The following ANKEF1 variants were observed in gnomAD, a reference collection of about 807,000 sequenced individuals.
The protein encoded by ANKEF1 is ankyrin repeat and EF-hand domain-containing protein 1.
Under a neutral mutation model 65.1 loss-of-function variants are expected in ANKEF1, and 43 were observed. That is an observed-to-expected ratio of 0.66 (90% CI 0.52 to 0.85). The LOEUF is 0.85. Ranked by LOEUF, ANKEF1 falls within the 40% of genes least tolerant of loss-of-function variation. The pLI is 0.00. For synonymous variants in ANKEF1, 316 were observed against 341.5 expected (o/e 0.93, Z 0.82); for missense variants, 934 against 952.9 (o/e 0.98, Z 0.26).
At position 10,049,783 on chromosome 20, in the gene ANKEF1, C is replaced by T. The variant is rs192230759; in HGVS notation, c.1214C>T (p.Ser405Phe). The change falls in exon 7 of 11, where the codon TCT becomes TTT. Residue 405 changes from serine to phenylalanine, a missense_variant. Ser to Phe is a radical substitution (Grantham distance 155). Coordinates refer to ENST00000378392, the MANE Select transcript of ANKEF1 (RefSeq NM_022096.6). ...FFKGTRYLNK[S>F]FVLGSYGPKK... ...AAAGGAACCAGATATTTAAACAAGT[C>T]TTTTGTCTTAGGATCGTATGGACCT... 9.3e-6 allele frequency: 15 copies of T among 1,614,030 alleles called. No homozygotes were observed. Among genetic ancestry groups the T allele is most frequent in the Middle Eastern group, 1.6e-4 (1 of 6,062 alleles).
chr20:10,053,430 G>T (rs1444384468), intron 9 of ANKEF1, among the ~76,000 whole-genome samples, 155 bp downstream of exon 9: 2 of 152,184 alleles, frequency 1.3e-5, no homozygotes, highest in Admixed American at 6.5e-5. Context: ...TACTTTTAAA[G>T]AAATATCTAA....
At position 10,049,944 on chromosome 20, in the gene ANKEF1, T is replaced by C; in HGVS notation, c.1375T>C (p.Tyr459His). 1 of 1,614,204 alleles carries C rather than the reference T, an allele frequency of 6.2e-7. No individual in the cohort carries two copies. The highest frequency in any genetic ancestry group is 1.1e-5 in the South Asian group (1 of 91,086). ...GCCACCGTATTACATGATTGAGACC[T>C]ACAAGAATGTCACTGATAGCAGCCG... ...GGPPYYMIETYKNVTDSSRFN... is the reference protein window; with the variant it reads ...GGPPYYMIETHKNVTDSSRFN... Residue 459 changes from tyrosine (Y) to histidine (H), a missense_variant, in exon 7 of 11, where the codon TAC (tyrosine) becomes CAC (histidine). Transcript: ENST00000378392.
intron 6 of ANKEF1, among the ~76,000 whole-genome samples, chr20:10,048,318 T>C (rs1016745620): frequency 2.0e-5 from 3 of 152,066 alleles, no homozygotes; most frequent in Admixed American, 6.6e-5. Flanking sequence ...TTGTGGAGTA[T>C]GTTAAATGTT....
Position 10,056,200 on chromosome 20 carries a change from G to A in ANKEF1, c.*540G>A, listed in dbSNP as rs866978451. On this transcript the variant is annotated 3_prime_UTR_variant, in exon 11 of 11. Transcript: ENST00000378392. ...AAGAAGTAATATTTAATCTTTTAAG[G>A]AAGGAGTTTATTTCTCACATGCCAT... is the stretch of plus-strand genomic sequence containing the variant. 6.5e-6 allele frequency: 1 copy of A among 154,124 alleles called. No individual in the cohort carries two copies. The allele number at this position is 154,124 out of a possible 1,614,324, so 9.5% of individuals were successfully genotyped here. A position where few individuals can be genotyped will look rare whatever the true frequency, so the allele number is the denominator to read the frequency against.
chr20:10,038,318 A>G lies in ANKEF1; in HGVS notation c.17A>G (p.Lys6Arg), dbSNP rs1983977644. Residue 6 changes from lysine (K) to arginine (R), a missense_variant, in exon 3 of 11, where the codon AAG becomes AGG. By Grantham distance (26) the Lys-to-Arg change is conservative (BLOSUM62 2). Coordinates refer to ENST00000378392, the MANE Select transcript of ANKEF1 (RefSeq NM_022096.6). The stretch of plus-strand genomic sequence containing the variant: ...TGGTCAAGCATGGCTTTAGCAGATA[A>G]GAGACTTGAGAACTTACAGATCTAC... MALAD[K>R]RLENLQIYKV... 1.9e-6 allele frequency: 3 copies of G among 1,564,634 alleles called. No individual in the cohort carries two copies. The highest frequency in any genetic ancestry group is 1.7e-6 in the Non-Finnish European group (2 of 1,148,652).
chr20:10,055,585 C>T lies in ANKEF1; in HGVS notation c.2256C>T (p.Phe752=), dbSNP rs776549053. 4.7e-5 allele frequency: 76 copies of T among 1,613,584 alleles called. No homozygotes were observed. Among genetic ancestry groups the T allele is most frequent in the Non-Finnish European group, 6.2e-5 (73 of 1,179,790 alleles). The change falls in exon 11 of 11, where the codon TTC becomes TTT. Residue 752 remains phenylalanine, a synonymous_variant. Transcript: ENST00000378392. ...RRERFTHEVD[F]DDFMMPFQKN... is the part of the protein sequence containing the mutation. ...AGAGGTTTACACATGAGGTGGACTT[C>T]GACGATTTTATGATGCCTTTTCAGA...
At position 10,043,207 on chromosome 20, in the gene ANKEF1, T is replaced by G. The variant is rs760386428; in HGVS notation, c.432T>G (p.Asn144Lys). 5.1e-5 allele frequency: 82 copies of G among 1,614,076 alleles called. No homozygotes were observed. Among genetic ancestry groups the G allele is most frequent in the Non-Finnish European group, 6.9e-5 (81 of 1,180,038 alleles). Reference sequence around the variant, plus strand: ...TTGAACATGGTGCAGATGTCAACAATTCTACCTATGAAGGAAAGCCAATAT... The same window carrying G: ...TTGAACATGGTGCAGATGTCAACAAGTCTACCTATGAAGGAAAGCCAATAT... ...IALEHGADVNNSTYEGKPIFL... is the reference protein window; with the variant it reads ...IALEHGADVNKSTYEGKPIFL... The change falls in exon 4 of 11, where the codon AAT becomes AAG. Residue 144 changes from asparagine (N) to lysine (K), a missense_variant. Coordinates refer to ENST00000378392, the MANE Select transcript of ANKEF1 (RefSeq NM_022096.6).
intron 2 of ANKEF1, among the ~76,000 whole-genome samples, chr20:10,036,900 A>G (rs1017424644): frequency 7.9e-5 from 12 of 152,074 alleles, no homozygotes; most frequent in African/African-American, 2.9e-4. Context: ...GACAGAAAAG[A>G]GTCTTGAGGA....
intron 10 of ANKEF1, 69 bp from the exon 11 acceptor site, chr20:10,055,433 C>G: frequency 1.4e-6 from 2 of 1,380,456 alleles, no homozygotes; most frequent in Non-Finnish European, 2.0e-6. Flanking sequence ...TGAAAATTGT[C>G]TGGATATTAG....
intron 6 of ANKEF1, 40 bp downstream of exon 6, chr20:10,045,737 A>G: frequency 2.5e-6 from 4 of 1,607,488 alleles, no homozygotes; most frequent in Non-Finnish European, 2.6e-6. Flanking sequence ...AGTACTTATG[A>G]TTTACCCATG....
chr20:10,043,368 C>T (rs1984312937), intron 4 of ANKEF1, 47 bp downstream of exon 4: 1 of 1,531,122 alleles, frequency 6.5e-7, no homozygotes. Flanking sequence ...TCAATTACAG[C>T]ATAGTATAAT....
rs558198589 is a variant in ANKEF1 at position 10,057,938 on chromosome 20, GC to G, written c.*2280del. ...ATGACAGTATATAAGAAGAACACAA[GC>G]CACTTTTATCTTGTAAAATGTCTCT... On this transcript the variant is annotated 3_prime_UTR_variant, in exon 11 of 11. Transcript: ENST00000378392. 30 of 152,188 alleles carry G rather than the reference GC, an allele frequency of 2.0e-4. 1 individual carries two copies. The East Asian group carries it at 5.0e-3, about 25-fold the overall frequency. 9.4% of individuals were successfully genotyped at this position (152,188 alleles called of 1,614,324 possible).
intron 3 of ANKEF1, among the ~76,000 whole-genome samples, chr20:10,042,914 A>T (rs765409640): frequency 6.6e-6 from 1 of 152,144 alleles, no homozygotes; most frequent in Non-Finnish European, 1.5e-5. Context: ...GTCCTATCAT[A>T]TGTGGTTGTG....
rs1568509305 is a variant in ANKEF1, at chr20:10,038,635, A to G, written c.334A>G (p.Asn112Asp). The G allele has an allele frequency of 6.3e-7, 1 of 1,588,334 alleles. No individual in the cohort carries two copies. The highest frequency in any genetic ancestry group is 8.6e-7 in the Non-Finnish European group (1 of 1,161,904). Reference sequence around the variant, plus strand: ...AAAGGCTGATATGACTATAGTTGATAATGAAGGAAAAGGTAAAAATCCCGA... The same window carrying G: ...AAAGGCTGATATGACTATAGTTGATGATGAAGGAAAAGGTAAAAATCCCGA... The part of the protein sequence containing the change: ...KAKADMTIVD[N>D]EGKGVLFYCI... Residue 112 changes from asparagine to aspartate, a missense_variant, in exon 3 of 11, where the codon AAT becomes GAT. Transcript: ENST00000378392.
At chr20:10,045,390 A>C (rs1024047536) in intron 5 of ANKEF1, among the ~76,000 whole-genome samples, 184 bp from the exon 6 acceptor site, 6 of 152,202 alleles carry the variant, frequency 3.9e-5, no homozygotes, top group African/African-American at 1.4e-4. Context: ...AGTACTTTAA[A>C]TGTGGCTAGT....
In ANKEF1 at chr20:10,049,925, G is replaced by A. The variant is rs139192723; in HGVS notation, c.1356G>A (p.Pro452=). The change falls in exon 7 of 11, where the codon CCG becomes CCA. Residue 452 remains proline (P), a synonymous_variant. Transcript: ENST00000378392. ...AFPRRQDGGP[P]YYMIETYKNV... is the part of the protein sequence containing the mutation. ...CACGCCGGCAGGATGGTGGGCCACCGTATTACATGATTGAGACCTACAAGA... is the reference window on the plus strand; with the variant it reads ...CACGCCGGCAGGATGGTGGGCCACCATATTACATGATTGAGACCTACAAGA... The A allele has an allele frequency of 3.7e-4, 598 of 1,614,184 alleles. 1 individual carries two copies. The African/African-American group carries it at 5.6e-3, about 15-fold the overall frequency.
intron 2 of ANKEF1, among the ~76,000 whole-genome samples, chr20:10,036,604 G>A (rs879934057): frequency 2.6e-5 from 4 of 152,226 alleles, no homozygotes; most frequent in Admixed American, 6.5e-5. Context: ...CACTTTGGGA[G>A]GCTGAGGCGG....
At chr20:10,053,319 A>T (rs752926274) in intron 9 of ANKEF1, 44 bp downstream of exon 9, 1 of 1,546,720 alleles carries the variant, frequency 6.5e-7, no homozygotes, top group Admixed American at 2.2e-5. Context: ...GGAACTCTTT[A>T]AAAATCTGTT....
chr20:10,049,589 C>T lies in ANKEF1; in HGVS notation c.1020C>T (p.Leu340=), dbSNP rs955509323. ...GGTCCGTAGAACGTGAGGCTTTCCT[C>T]CGGGAAGCCTTTGCGGTTTTAGACA... ...HDWSVEREAF[L]REAFAVLDRG... is the part of the protein sequence containing the mutation. Residue 340 remains leucine (L), a synonymous_variant, in exon 7 of 11, where the codon CTC becomes CTT. Transcript: ENST00000378392. 6.2e-7 allele frequency: 1 copy of T among 1,614,120 alleles called. No homozygotes were observed. Among genetic ancestry groups the T allele is most frequent in the Non-Finnish European group, 8.5e-7 (1 of 1,180,020 alleles).
Sources: gnomAD v4.1 joint callset for allele counts (sites outside exome capture counted in the v4.1 genomes callset) on GRCh38, gnomAD v4.1.1 for gene constraint, MANE v1.5 for transcripts, NCBI Gene and HGNC (gene_info 2026-07-23, HGNC 2026-07-21) for gene names.